Variants in LINGO2 observed in about 807,000 individuals in gnomAD.
LINGO2 encodes the protein leucine-rich repeat and immunoglobulin-like domain-containing nogo receptor-interacting protein 2.
In LINGO2, 14 loss-of-function variants were observed where a neutral mutation model predicts 30.6. The ratio of observed to expected loss-of-function variants is 0.46; its 90% confidence interval spans 0.30 to 0.72. The LOEUF (loss-of-function observed/expected upper bound fraction) is 0.72, where lower values mean the gene tolerates loss of function less well. LINGO2 is among the 30% of genes least tolerant of loss of function. The pLI, the probability that LINGO2 is intolerant of heterozygous loss-of-function variation, is 0.07. For synonymous variants in LINGO2, 317 were observed against 288.5 expected, an observed-to-expected ratio of 1.10 and a Z score of -1.00; for missense variants, 729 against 751.7, an observed-to-expected ratio of 0.97 and a Z score of 0.35.
At chr9:28,924,843 C>A in the LINGO2 span, among the ~76,000 whole-genome samples, 1 of 152,164 alleles carries the variant, frequency 6.6e-6, no homozygotes, top group African/African-American at 2.4e-5. Flanking sequence ...ACCTCTTTAT[C>A]ATTACATAAT....
the LINGO2 span, among the ~76,000 whole-genome samples, chr9:28,834,192 C>T: frequency 6.6e-6 from 1 of 152,010 alleles, no homozygotes; most frequent in Non-Finnish European, 1.5e-5. Context: ...TGGCAAAATG[C>T]TTGGAATCAG....
intron 3 of LINGO2, among the ~76,000 whole-genome samples, chr9:28,371,512 G>A (rs13290772): frequency 0.51 from 77,064 of 151,914 alleles, 20,942 homozygotes; most frequent in Non-Finnish European, 0.59. Flanking sequence ...AATCCCTTTC[G>A]TGATTCATGA....
the LINGO2 span, among the ~76,000 whole-genome samples, chr9:28,934,942 C>T: frequency 2.5e-4 from 38 of 152,102 alleles, no homozygotes; most frequent in African/African-American, 8.7e-4. Flanking sequence ...TTTCTGATAT[C>T]CTGAGGTTTG....
the LINGO2 span, among the ~76,000 whole-genome samples, chr9:28,940,468 G>GT: frequency 0.95 from 144,047 of 151,740 alleles, 68,656 homozygotes; most frequent in East Asian, 1. Flanking sequence ...CACCCCATAT[G>GT]TTTTTTTTAA....
At chr9:28,003,617 A>G (rs1822099340) in intron 5 of LINGO2, among the ~76,000 whole-genome samples, 1 of 152,004 alleles carries the variant, frequency 6.6e-6, no homozygotes, top group Admixed American at 6.6e-5. Flanking sequence ...GCCTGCCACC[A>G]CACCCGGCTA....
At chr9:28,702,301 C>G in the LINGO2 span, among the ~76,000 whole-genome samples, 3 of 151,792 alleles carry the variant, frequency 2.0e-5, no homozygotes, top group Non-Finnish European at 4.4e-5. Flanking sequence ...AAGTTTCCCA[C>G]TATTCTTAGT....
chr9:28,795,897 T>C, the LINGO2 span, among the ~76,000 whole-genome samples: 1,747 of 151,986 alleles, frequency 0.011, 17 homozygotes, highest in Non-Finnish European at 0.018. Context: ...CTGTGAATCA[T>C]CTATTACTGA....
chr9:28,701,323 C>A, the LINGO2 span, among the ~76,000 whole-genome samples: 1 of 151,834 alleles, frequency 6.6e-6, no homozygotes, highest in African/African-American at 2.4e-5. Context: ...CATTTTTAAT[C>A]TTTGTGAAGC....
intron 3 of LINGO2, among the ~76,000 whole-genome samples, chr9:28,323,074 G>C (rs1825105786): frequency 6.6e-6 from 1 of 152,128 alleles, no homozygotes. Context: ...GGTCTCCAGT[G>C]TGTTAAAATC....
chr9:28,872,429 T>C, the LINGO2 span, among the ~76,000 whole-genome samples: 1 of 152,116 alleles, frequency 6.6e-6, no homozygotes, highest in South Asian at 2.1e-4. Flanking sequence ...AATTAAACTA[T>C]AATGGGGCAA....
At chr9:28,892,788 A>T in the LINGO2 span, among the ~76,000 whole-genome samples, 1 of 152,008 alleles carries the variant, frequency 6.6e-6, no homozygotes, top group South Asian at 2.1e-4. Flanking sequence ...TTCCTTAAAT[A>T]GTTTTAAATT....
At chr9:28,766,518 A>C in the LINGO2 span, among the ~76,000 whole-genome samples, 1 of 151,994 alleles carries the variant, frequency 6.6e-6, no homozygotes, top group Middle Eastern at 3.2e-3. Flanking sequence ...AATAATATAA[A>C]GATTCCTCAA....
At chr9:28,298,847 A>G (rs180790693) in intron 3 of LINGO2, among the ~76,000 whole-genome samples, 70 of 152,330 alleles carry the variant, frequency 4.6e-4, no homozygotes, top group Admixed American at 7.2e-4. Context: ...TTGTACATTA[A>G]TTTAAAACAA....
chr9:28,559,601 T>C lies in LINGO2; in HGVS notation c.-364-83576A>G, dbSNP rs77941439. Among the ~76,000 whole-genome samples the C allele has an allele frequency of 7.6e-3, 1,164 of 152,246 alleles. 40 individuals are homozygous for C. The East Asian group carries it at 0.097, about 13-fold the overall frequency. ...AATCTATTTTCTTGACCAAACACTG[T>C]GTAATAGCTTTTATTATTTTCTTTC... On this transcript the variant is annotated intron_variant, in intron 1 of 5. Coordinates refer to ENST00000379992, the Ensembl canonical transcript of LINGO2.
intron 1 of LINGO2, among the ~76,000 whole-genome samples, chr9:28,534,964 A>G (rs903063249): frequency 1.1e-4 from 16 of 152,156 alleles, no homozygotes; most frequent in Admixed American, 7.2e-4. Flanking sequence ...ATATACATAC[A>G]CACACTTTTT....
chr9:28,342,157 G>A (rs1394862864), intron 3 of LINGO2, among the ~76,000 whole-genome samples: 5 of 152,116 alleles, frequency 3.3e-5, no homozygotes, highest in Non-Finnish European at 7.4e-5. Context: ...TCAAGGAAGT[G>A]CAAAGCAAAA....
intron 3 of LINGO2, among the ~76,000 whole-genome samples, chr9:28,351,841 T>C (rs1158453532): frequency 6.7e-6 from 1 of 150,194 alleles, no homozygotes; most frequent in Non-Finnish European, 1.5e-5. Context: ...CAAGGCTGGT[T>C]CAATATATGC....
chr9:28,255,256 C>T lies in LINGO2; in HGVS notation c.-87+39952G>A, dbSNP rs189420619. On this transcript the variant is annotated intron_variant, in intron 4 of 5. Coordinates refer to ENST00000379992, the Ensembl canonical transcript of LINGO2. ...ATTCCTAGCACACTTAAAATTATTT[C>T]GCTATTTCTAGGTGTATAGTAACAT... Among the ~76,000 whole-genome samples, 27 of 151,874 alleles carry T rather than the reference C, an allele frequency of 1.8e-4. No homozygotes were observed. The East Asian group carries it at 3.1e-3, about 18-fold the overall frequency.
At chr9:28,044,793 A>G (rs902532434) in intron 4 of LINGO2, among the ~76,000 whole-genome samples, 1 of 152,072 alleles carries the variant, frequency 6.6e-6, no homozygotes, top group East Asian at 1.9e-4. Context: ...TCTCTCAGGC[A>G]TATGTTATAA....
Sources: allele counts gnomAD v4.1 joint callset (sites outside exome capture counted in the v4.1 genomes callset), GRCh38; gene constraint gnomAD v4.1.1; transcripts MANE v1.5; gene names NCBI Gene and HGNC (gene_info 2026-07-23, HGNC 2026-07-21).